The following RASGRF2 variants were observed in gnomAD, a reference collection of about 807,000 sequenced individuals.
The protein encoded by RASGRF2 is Ras protein specific guanine nucleotide releasing factor 2.
Under a neutral mutation model 151.0 loss-of-function variants are expected in RASGRF2, and 76 were observed. The ratio of observed to expected loss-of-function variants is 0.50; its 90% CI spans 0.42 to 0.61. The LOEUF is 0.61. RASGRF2 is among the 20% of genes least tolerant of loss of function. The pLI, the probability that RASGRF2 is intolerant of heterozygous loss-of-function variation, is 0.00. For missense variants in RASGRF2, 1,148 were observed against 1,564.6 expected (o/e 0.73, Z 4.49); for synonymous variants, 504 against 566.5 (o/e 0.89, Z 1.57).
intron 17 of RASGRF2, 104 bp from the exon 18 acceptor site, chr5:81,180,071 C>G: frequency 2.9e-6 from 2 of 679,670 alleles, no homozygotes; most frequent in Admixed American, 2.0e-5. Context: ...CAAGAAGTGT[C>G]ATCTGTGAGT....
At chr5:81,078,771 T>C (rs1752007774) in intron 5 of RASGRF2, among the ~76,000 whole-genome samples, 1 of 152,212 alleles carries the variant, frequency 6.6e-6, no homozygotes, top group East Asian at 1.9e-4. Context: ...TATCCATTAG[T>C]TTGTGTTCAA....
intron 1 of RASGRF2, among the ~76,000 whole-genome samples, chr5:80,969,817 T>C (rs1747869236): frequency 4.1e-5 from 3 of 72,640 alleles, no homozygotes; most frequent in African/African-American, 1.1e-4. Context: ...TTCTTCTTCT[T>C]TTTTTTTTTT....
intron 17 of RASGRF2, among the ~76,000 whole-genome samples, chr5:81,167,170 G>A (rs944549695): frequency 1.3e-5 from 2 of 152,166 alleles, no homozygotes; most frequent in African/African-American, 2.4e-5. Context: ...AAGGCTGTCA[G>A]CATAAAGGAC....
At chr5:81,011,102 A>G (rs916096815) in intron 1 of RASGRF2, among the ~76,000 whole-genome samples, 1 of 152,226 alleles carries the variant, frequency 6.6e-6, no homozygotes, top group African/African-American at 2.4e-5. Context: ...CACAAAATAT[A>G]TGGATAAGAA....
intron 17 of RASGRF2, among the ~76,000 whole-genome samples, chr5:81,128,960 G>T (rs1374252761): frequency 6.6e-6 from 1 of 151,544 alleles, no homozygotes; most frequent in Non-Finnish European, 1.5e-5. Context: ...CCAACATGAT[G>T]AATCCCCATC....
chr5:81,034,676 A>C (rs1031291421), intron 1 of RASGRF2, among the ~76,000 whole-genome samples: 2 of 151,680 alleles, frequency 1.3e-5, no homozygotes, highest in East Asian at 1.9e-4. Flanking sequence ...GGAAATCATC[A>C]TTCTCAGTAA....
At chr5:81,128,180 A>T (rs1289170492) in intron 17 of RASGRF2, among the ~76,000 whole-genome samples, 1 of 152,060 alleles carries the variant, frequency 6.6e-6, no homozygotes, top group Non-Finnish European at 1.5e-5. Context: ...TAAAAGGTTC[A>T]GTTGCACAGG....
chr5:81,177,364 C>T (rs910239754), intron 17 of RASGRF2, among the ~76,000 whole-genome samples: 2 of 151,658 alleles, frequency 1.3e-5, no homozygotes, highest in African/African-American at 4.9e-5. Context: ...TGTCTACATT[C>T]GAAGAGGAGT....
At chr5:81,144,167 A>C (rs1753950775) in intron 17 of RASGRF2, among the ~76,000 whole-genome samples, 1 of 152,220 alleles carries the variant, frequency 6.6e-6, no homozygotes. Context: ...AGGATGTGAC[A>C]AGCTTTTAGT....
chr5:81,167,267 C>T (rs1429895566), intron 17 of RASGRF2, among the ~76,000 whole-genome samples: 1 of 152,126 alleles, frequency 6.6e-6, no homozygotes, highest in East Asian at 1.9e-4. Flanking sequence ...ACACAGCAAC[C>T]AATTTATCCA....
chr5:81,195,483 T>C (rs1353292656), intron 18 of RASGRF2, among the ~76,000 whole-genome samples: 2 of 152,226 alleles, frequency 1.3e-5, no homozygotes, highest in Non-Finnish European at 2.9e-5. Flanking sequence ...AATTCTGTAT[T>C]TTACATGCAT....
At chr5:81,073,763 C>T (rs1054939250) in intron 5 of RASGRF2, among the ~76,000 whole-genome samples, 7 of 152,206 alleles carry the variant, frequency 4.6e-5, no homozygotes, top group Admixed American at 2.6e-4. Context: ...GGACTACAGG[C>T]GCCCACCACC....
intron 17 of RASGRF2, among the ~76,000 whole-genome samples, chr5:81,131,192 T>C (rs766882967): frequency 6.6e-6 from 1 of 152,148 alleles, no homozygotes; most frequent in Non-Finnish European, 1.5e-5. Context: ...GCAATTTTTT[T>C]TGCAAGGAGG....
intron 18 of RASGRF2, among the ~76,000 whole-genome samples, chr5:81,181,357 C>T (rs1482031933): frequency 6.6e-6 from 1 of 152,126 alleles, no homozygotes; most frequent in Non-Finnish European, 1.5e-5. Flanking sequence ...TAAGCCTCAC[C>T]ACAAGTAAGC....
intron 1 of RASGRF2, among the ~76,000 whole-genome samples, chr5:81,002,599 GA>G (rs1749114930): frequency 6.6e-6 from 1 of 152,036 alleles, no homozygotes; most frequent in South Asian, 2.1e-4. Context: ...AAGTAAAAAA[GA>G]AAAAGCCATT....
At chr5:80,997,233 C>T (rs1272851260) in intron 1 of RASGRF2, 2 of 152,272 alleles carry the variant, frequency 1.3e-5, no homozygotes, top group South Asian at 4.2e-4. Context: ...TTGACTTCAT[C>T]ATCTAGCATC....
At chr5:81,185,362 T>G (rs1755003942) in intron 18 of RASGRF2, among the ~76,000 whole-genome samples, 1 of 151,988 alleles carries the variant, frequency 6.6e-6, no homozygotes, top group South Asian at 2.1e-4. Context: ...TGTGTTTGAG[T>G]GAACCAGATG....
intron 1 of RASGRF2, among the ~76,000 whole-genome samples, chr5:81,003,538 T>G (rs1308338970): frequency 6.6e-6 from 1 of 152,102 alleles, no homozygotes; most frequent in Admixed American, 6.5e-5. Flanking sequence ...ATTTTTGTAT[T>G]TTTAGTAGAG....
chr5:81,023,657 A>G (rs1749907865), intron 1 of RASGRF2, among the ~76,000 whole-genome samples: 1 of 152,234 alleles, frequency 6.6e-6, no homozygotes, highest in South Asian at 2.1e-4. Context: ...TGCCTCAGAC[A>G]CGCTTTAACC....
Sources: gnomAD v4.1 joint callset for allele counts (sites outside exome capture counted in the v4.1 genomes callset) on GRCh38, gnomAD v4.1.1 for gene constraint, MANE v1.5 for transcripts, NCBI Gene and HGNC (gene_info 2026-07-23, HGNC 2026-07-21) for gene names.